Variants in CTNNA3 observed in about 807,000 individuals in gnomAD.
The protein encoded by CTNNA3 is catenin alpha-3.
A neutral mutation model predicts 95.7 loss-of-function variants in CTNNA3; 76 were observed. The ratio of observed to expected loss-of-function variants is 0.79; its 90% CI spans 0.66 to 0.96. The LOEUF is 0.96. CTNNA3 is among the 40% of genes least tolerant of loss of function. The pLI is 0.00. For missense variants in CTNNA3, 1,191 were observed against 1,089.8 expected (o/e 1.09, Z -1.31); for synonymous variants, 431 against 374.4 (o/e 1.15, Z -1.74).
chr10:66,565,926 T>C (rs1842689319), intron 10 of CTNNA3, among the ~76,000 whole-genome samples: 1 of 152,146 alleles, frequency 6.6e-6, no homozygotes, highest in Admixed American at 6.5e-5. Context: ...TCTGACATAT[T>C]AGCAGCCACT....
At chr10:67,203,459 G>C (rs147660522) in intron 6 of CTNNA3, among the ~76,000 whole-genome samples, 172 of 152,252 alleles carry the variant, frequency 1.1e-3, no homozygotes, top group Middle Eastern at 6.8e-3. Context: ...TTTATTAACA[G>C]TGTGAGAACA....
chr10:67,550,771 T>C (rs1841000992), intron 3 of CTNNA3, among the ~76,000 whole-genome samples: 1 of 148,802 alleles, frequency 6.7e-6, no homozygotes, highest in African/African-American at 2.6e-5. Flanking sequence ...ACATACTAAA[T>C]AAACATGGAG....
At chr10:67,445,548 G>C (rs1314389510) in intron 5 of CTNNA3, among the ~76,000 whole-genome samples, 1 of 151,994 alleles carries the variant, frequency 6.6e-6, no homozygotes, top group African/African-American at 2.4e-5. Flanking sequence ...ATTTAAGAAG[G>C]CAGAGCCCTC....
intron 9 of CTNNA3, among the ~76,000 whole-genome samples, chr10:66,690,184 T>G (rs76370869): frequency 0.076 from 11,610 of 152,184 alleles, 488 homozygotes; most frequent in Middle Eastern, 0.13. Context: ...ATATGTTGAA[T>G]GAAGGTTCAT....
At chr10:66,321,725 A>C (rs1238403163) in intron 12 of CTNNA3, among the ~76,000 whole-genome samples, 2 of 152,126 alleles carry the variant, frequency 1.3e-5, no homozygotes, top group African/African-American at 4.8e-5. Flanking sequence ...CTATTGCCAA[A>C]ATACTGTGTT....
intron 15 of CTNNA3, among the ~76,000 whole-genome samples, chr10:66,003,084 C>A (rs1436130897): frequency 6.6e-6 from 1 of 152,212 alleles, no homozygotes; most frequent in African/African-American, 2.4e-5. Flanking sequence ...GACATATACT[C>A]TGCCTGGGCA....
At position 66,520,913 on chromosome 10, in the gene CTNNA3, AAAAT is replaced by A. The variant is rs145395911; in HGVS notation, c.1375-144_1375-141del. 62,134 of 319,342 alleles carry A rather than the reference AAAAT, an allele frequency of 0.19. 8,157 individuals are homozygous for A. Among genetic ancestry groups the A allele is most frequent in the East Asian group, 0.49 (8,990 of 18,514 alleles). The allele number at this position is 319,342 out of a possible 1,614,324, so 19.8% of individuals were successfully genotyped here. ...CTGCACTTATAATTCCTAAATATAT[AAAAT>A]AAATAAAAAATATTAAAACAATAAA... On this transcript the variant is annotated intron_variant, in intron 10 of 17. Coordinates refer to ENST00000433211, the MANE Select transcript of CTNNA3 (RefSeq NM_013266.4).
chr10:66,842,250 T>C (rs923909323), intron 7 of CTNNA3, among the ~76,000 whole-genome samples: 1 of 151,650 alleles, frequency 6.6e-6, no homozygotes, highest in Non-Finnish European at 1.5e-5. Context: ...GCTGCTACTT[T>C]CTTAATCTAC....
At chr10:65,957,547 T>G (rs917946736) in intron 17 of CTNNA3, among the ~76,000 whole-genome samples, 4 of 152,204 alleles carry the variant, frequency 2.6e-5, no homozygotes, top group Non-Finnish European at 5.9e-5. Flanking sequence ...CTTTCCATGT[T>G]TAGTGCTTCC....
rs560606206 is a variant in CTNNA3 at position 65,952,355 on chromosome 10, A to G, written c.2400+14257T>C. 5.9e-5 allele frequency among the ~76,000 whole-genome samples: 9 copies of G among 152,268 alleles called. No homozygotes were observed. In the East Asian group the frequency reaches 1.7e-3, roughly 30 times the overall value. On this transcript the variant is annotated intron_variant, in intron 17 of 17. Transcript: ENST00000433211. ...GTACCTCCTGCTTAAGATTAAAAGA[A>G]ACAAAAAGCAACACTCAATAGGGTT...
chr10:66,687,766 GA>G (rs145577462), intron 9 of CTNNA3, among the ~76,000 whole-genome samples: 2,067 of 150,874 alleles, frequency 0.014, 59 homozygotes, highest in African/African-American at 0.044. Context: ...ACTTAAGTCA[GA>G]TTTCAGGATT....
intron 5 of CTNNA3, among the ~76,000 whole-genome samples, chr10:67,374,840 T>C (rs928321097): frequency 6.6e-6 from 1 of 152,182 alleles, no homozygotes. Flanking sequence ...TTTTTAATAA[T>C]TTCATTAAAG....
At chr10:66,422,226 G>A (rs536579009) in intron 11 of CTNNA3, among the ~76,000 whole-genome samples, 35 of 152,050 alleles carry the variant, frequency 2.3e-4, no homozygotes, top group South Asian at 6.2e-4. Context: ...AATTTTTAAT[G>A]CTGATCACAA....
At chr10:66,102,800 T>G (rs112720238) in intron 14 of CTNNA3, among the ~76,000 whole-genome samples, 57 of 151,896 alleles carry the variant, frequency 3.8e-4, no homozygotes, top group African/African-American at 1.3e-3. Context: ...CTCAGACGAG[T>G]TTTCTTCTCC....
chr10:66,334,217 G>A (rs2092367902), intron 12 of CTNNA3, among the ~76,000 whole-genome samples: 1 of 151,922 alleles, frequency 6.6e-6, no homozygotes, highest in African/African-American at 2.4e-5. Context: ...GGAGCATTTA[G>A]CCCATTTACA....
intron 2 of CTNNA3, among the ~76,000 whole-genome samples, chr10:67,607,324 T>C (rs1366453883): frequency 6.6e-6 from 1 of 152,108 alleles, no homozygotes; most frequent in Non-Finnish European, 1.5e-5. Flanking sequence ...ACTATATTCC[T>C]ACAATAAGAT....
At chr10:66,092,253 C>T (rs2081240174) in intron 14 of CTNNA3, among the ~76,000 whole-genome samples, 1 of 151,932 alleles carries the variant, frequency 6.6e-6, no homozygotes, top group Admixed American at 6.6e-5. Context: ...AAAATAATAG[C>T]AATGGTTTTT....
intron 17 of CTNNA3, among the ~76,000 whole-genome samples, chr10:65,947,161 A>C (rs1030704983): frequency 6.6e-6 from 1 of 151,620 alleles, no homozygotes; most frequent in African/African-American, 2.4e-5. Flanking sequence ...ATCTTGGTAC[A>C]GAAGCAGAGA....
At chr10:66,073,847 A>G (rs920901261) in intron 14 of CTNNA3, among the ~76,000 whole-genome samples, 6 of 152,074 alleles carry the variant, frequency 3.9e-5, no homozygotes, top group Non-Finnish European at 8.8e-5. Flanking sequence ...CACCACCATT[A>G]TATTTGTTTG....
Sources: allele counts gnomAD v4.1 joint callset (sites outside exome capture counted in the v4.1 genomes callset), GRCh38; gene constraint gnomAD v4.1.1; transcripts MANE v1.5; gene names NCBI Gene and HGNC (gene_info 2026-07-23, HGNC 2026-07-21).